The following CCDC178 variants were observed in gnomAD, a reference collection of about 807,000 sequenced individuals.
The protein encoded by CCDC178 is coiled-coil domain containing 178.
A neutral mutation model predicts 117.4 loss-of-function variants in CCDC178; 126 were observed. That is an observed-to-expected ratio of 1.07 (90% CI 0.93 to 1.24). CCDC178 has a LOEUF of 1.24. Among genes scored for constraint, CCDC178 ranks in the 50% most tolerant of loss-of-function variants. The pLI is 0.00. For synonymous variants in CCDC178, 283 were observed against 313.4 expected, an observed-to-expected ratio of 0.90 and a Z score of 1.02; for missense variants, 1,030 against 986.9, an observed-to-expected ratio of 1.04 and a Z score of -0.59.
chr18:33,238,045 T>TAGATTACAGCTGA (rs1014314760), intron 15 of CCDC178, among the ~76,000 whole-genome samples: 1 of 152,232 alleles, frequency 6.6e-6, no homozygotes, highest in Non-Finnish European at 1.5e-5. Context: ...GTCACTAGCA[T>TAGATTACAGCTGA]AGATTACAGC....
intron 14 of CCDC178, among the ~76,000 whole-genome samples, chr18:33,256,892 T>C (rs1368319362): frequency 6.6e-6 from 1 of 152,088 alleles, no homozygotes; most frequent in Non-Finnish European, 1.5e-5. Flanking sequence ...ACTTTTTGGA[T>C]AGTGTTCTAT....
intron 21 of CCDC178, among the ~76,000 whole-genome samples, chr18:33,012,968 T>G (rs996146390): frequency 6.6e-6 from 1 of 152,174 alleles, no homozygotes; most frequent in Non-Finnish European, 1.5e-5. Context: ...AATATCAGCC[T>G]ATGCTCTAAA....
At chr18:33,046,591 GA>G (rs1342988294) in intron 21 of CCDC178, among the ~76,000 whole-genome samples, 1 of 151,894 alleles carries the variant, frequency 6.6e-6, no homozygotes, top group East Asian at 1.9e-4. Flanking sequence ...TGTTTTAGAG[GA>G]AAAAAATTAA....
intron 3 of CCDC178, among the ~76,000 whole-genome samples, chr18:33,406,241 A>G (rs2144879091): frequency 6.6e-6 from 1 of 152,244 alleles, no homozygotes; most frequent in Middle Eastern, 3.4e-3. Context: ...AATCATCAAT[A>G]GTTAAGTGAA....
At chr18:33,018,105 AT>A (rs1010306118) in intron 21 of CCDC178, among the ~76,000 whole-genome samples, 8 of 152,038 alleles carry the variant, frequency 5.3e-5, no homozygotes, top group Admixed American at 5.2e-4. Context: ...AAATAACTCA[AT>A]TTTAAAAGGA....
intron 3 of CCDC178, among the ~76,000 whole-genome samples, chr18:33,397,586 C>A (rs1407147755): frequency 6.6e-6 from 1 of 152,032 alleles, no homozygotes; most frequent in Non-Finnish European, 1.5e-5. Flanking sequence ...AAAAATCCAA[C>A]AGTATGGTAA....
chr18:33,321,773 G>C (rs1165253469), intron 11 of CCDC178, among the ~76,000 whole-genome samples: 1 of 151,602 alleles, frequency 6.6e-6, no homozygotes, highest in Non-Finnish European at 1.5e-5. Context: ...AACAAATGTG[G>C]CAAATAGAGT....
chr18:33,300,791 G>C (rs2144906864), intron 11 of CCDC178, among the ~76,000 whole-genome samples: 1 of 152,256 alleles, frequency 6.6e-6, no homozygotes, highest in South Asian at 2.1e-4. Context: ...TATCATATAT[G>C]GGAGCAAATG....
intron 9 of CCDC178, among the ~76,000 whole-genome samples, chr18:33,345,982 C>T (rs1248685466): frequency 1.3e-5 from 2 of 152,072 alleles, no homozygotes; most frequent in East Asian, 3.9e-4. Flanking sequence ...CGAGCACCAC[C>T]ACGCCTGGCT....
chr18:33,085,839 A>C (rs1025859925), intron 21 of CCDC178, among the ~76,000 whole-genome samples: 2 of 152,166 alleles, frequency 1.3e-5, no homozygotes, highest in Middle Eastern at 3.4e-3. Flanking sequence ...GAAATGACTA[A>C]AGAAAATATT....
chr18:32,998,299 A>T (rs1335252667), intron 21 of CCDC178, among the ~76,000 whole-genome samples: 1 of 152,162 alleles, frequency 6.6e-6, no homozygotes, highest in Non-Finnish European at 1.5e-5. Flanking sequence ...GCCAGAGGGG[A>T]ATCATTTATC....
chr18:33,320,532 A>C (rs928712883), intron 11 of CCDC178, among the ~76,000 whole-genome samples: 7 of 152,198 alleles, frequency 4.6e-5, no homozygotes, highest in African/African-American at 1.7e-4. Context: ...AATCCAACTT[A>C]CAAGGGATGT....
intron 21 of CCDC178, among the ~76,000 whole-genome samples, chr18:33,030,146 G>C (rs985240122): frequency 7.2e-5 from 11 of 151,920 alleles, no homozygotes; most frequent in Middle Eastern, 3.4e-3. Context: ...TTATTTTAGG[G>C]CTCTGTTGTT....
intron 2 of CCDC178, among the ~76,000 whole-genome samples, chr18:33,430,567 A>T (rs1424291768): frequency 6.6e-6 from 1 of 152,130 alleles, no homozygotes; most frequent in Non-Finnish European, 1.5e-5. Flanking sequence ...CTTAGAAGCC[A>T]TGTGATCCAG....
At chr18:33,042,889 T>C (rs934514145) in intron 21 of CCDC178, among the ~76,000 whole-genome samples, 3 of 152,056 alleles carry the variant, frequency 2.0e-5, no homozygotes, top group East Asian at 3.9e-4. Context: ...ATGAAAAATA[T>C]GATTCGCAGA....
intron 22 of CCDC178, among the ~76,000 whole-genome samples, chr18:32,972,646 A>G (rs1457106522): frequency 6.6e-6 from 1 of 152,098 alleles, no homozygotes; most frequent in Non-Finnish European, 1.5e-5. Flanking sequence ...ACACAAAAGA[A>G]GAAGAATGAG....
At chr18:33,282,458 C>G (rs548442360) in intron 12 of CCDC178, among the ~76,000 whole-genome samples, 1 of 152,176 alleles carries the variant, frequency 6.6e-6, no homozygotes, top group Non-Finnish European at 1.5e-5. Context: ...TGGGACTAGT[C>G]TGACCTATGC....
chr18:33,269,503 G>A (rs12150736), intron 12 of CCDC178, among the ~76,000 whole-genome samples: 10,434 of 151,720 alleles, frequency 0.069, 557 homozygotes, highest in African/African-American at 0.14. Flanking sequence ...CAAAAACTAC[G>A]GCAACGTTGG....
chr18:33,378,778 A>G (rs1286676820), intron 5 of CCDC178, among the ~76,000 whole-genome samples: 2 of 152,176 alleles, frequency 1.3e-5, no homozygotes, highest in Non-Finnish European at 2.9e-5. Flanking sequence ...CATCCCAGGA[A>G]TAAAGCCTTA....
Sources: allele counts gnomAD v4.1 joint callset (sites outside exome capture counted in the v4.1 genomes callset), GRCh38; gene constraint gnomAD v4.1.1; transcripts MANE v1.5; gene names NCBI Gene and HGNC (gene_info 2026-07-23, HGNC 2026-07-21).